NRXN3: variants seen among roughly 807,000 people sequenced by gnomAD.
The protein encoded by NRXN3 is neurexin III.
Under a neutral mutation model 137.6 loss-of-function variants are expected in NRXN3, and 32 were observed. The ratio of observed to expected loss-of-function variants is 0.23; its 90% CI spans 0.18 to 0.31. The LOEUF is 0.31. NRXN3 is among the 10% of genes least tolerant of loss of function. The pLI is 1.00. For synonymous variants in NRXN3, 798 were observed against 784.5 expected (o/e 1.02, Z -0.29); for missense variants, 1,574 against 2,062.5 (o/e 0.76, Z 4.59).
intron 15 of NRXN3, among the ~76,000 whole-genome samples, chr14:79,062,248 C>G (rs550730692): frequency 2.6e-4 from 40 of 152,158 alleles, no homozygotes; most frequent in Non-Finnish European, 5.4e-4. Flanking sequence ...CCAGGCTGAA[C>G]TCTCTTGCCA....
chr14:78,983,364 A>G (rs2099494355), intron 14 of NRXN3, among the ~76,000 whole-genome samples: 1 of 152,234 alleles, frequency 6.6e-6, no homozygotes, highest in Non-Finnish European at 1.5e-5. Flanking sequence ...TTGCAGCATT[A>G]ATCACAATAG....
intron 19 of NRXN3, among the ~76,000 whole-genome samples, chr14:79,728,880 TG>T (rs1270706372): frequency 6.6e-6 from 1 of 152,224 alleles, no homozygotes; most frequent in East Asian, 1.9e-4. Context: ...AGGTGATCTT[TG>T]TAACTCCAGA....
chr14:78,798,780 T>G (rs1258373242), intron 8 of NRXN3, among the ~76,000 whole-genome samples: 1 of 152,238 alleles, frequency 6.6e-6, no homozygotes, highest in East Asian at 1.9e-4. Context: ...TTGACTTCCG[T>G]GTACCCACAT....
Position 78,915,046 on chromosome 14 carries a change from G to C in NRXN3, c.2276-42196G>C, listed in dbSNP as rs916460569. Among the ~76,000 whole-genome samples, 3 of 152,106 alleles carry C rather than the reference G, an allele frequency of 2.0e-5. No homozygotes were observed. The East Asian group carries it at 5.8e-4, about 29-fold the overall frequency. ...TCAAAGATATTGAGATAGTACCTGA[G>C]TGGTAATTTAATTAATGGAAAAGGA... On this transcript the variant is annotated intron_variant, in intron 10 of 20. Coordinates refer to ENST00000335750, the MANE Select transcript of NRXN3 (RefSeq NM_001330195.2).
intron 4 of NRXN3, among the ~76,000 whole-genome samples, chr14:78,612,042 TG>T (rs1480870624): frequency 6.6e-6 from 1 of 152,154 alleles, no homozygotes; most frequent in Non-Finnish European, 1.5e-5. Context: ...GACTTGAAAG[TG>T]GGGGCATTTT....
At chr14:79,280,603 AG>A in intron 15 of NRXN3, 1 of 1,433,720 alleles carries the variant, frequency 7.0e-7, no homozygotes, top group African/African-American at 1.4e-5. Context: ...CTAGCCTTGC[AG>A]GTAGTGTCAA....
chr14:78,190,141 C>T (rs1265038792), intron 1 of NRXN3, among the ~76,000 whole-genome samples: 1 of 152,208 alleles, frequency 6.6e-6, no homozygotes, highest in Non-Finnish European at 1.5e-5. Context: ...CTTTCCTTCC[C>T]TCTTCCACAA....
intron 15 of NRXN3, among the ~76,000 whole-genome samples, chr14:79,098,746 G>A (rs2152834237): frequency 6.6e-6 from 1 of 152,296 alleles, no homozygotes; most frequent in East Asian, 1.9e-4. Flanking sequence ...GCTTTCATCA[G>A]CAAGGAACTG....
Position 78,223,491 on chromosome 14 carries a change from C to CT in NRXN3, c.-703-18895dup, listed in dbSNP as rs1183012403. Among the ~76,000 whole-genome samples the CT allele has an allele frequency of 2.6e-5, 4 of 152,272 alleles. No individual in the cohort carries two copies. The East Asian group carries it at 7.7e-4, about 29-fold the overall frequency. On this transcript the variant is annotated intron_variant, in intron 1 of 20. Transcript: ENST00000335750. Reference sequence around the variant, plus strand: ...TGTGCTTATATCAAATGTAATAGTGCTTTTTCCCCCTTATACTTAGGATGG... The same window carrying CT: ...TGTGCTTATATCAAATGTAATAGTGCTTTTTTCCCCCTTATACTTAGGATGG...
intron 4 of NRXN3, among the ~76,000 whole-genome samples, chr14:78,492,687 C>T (rs1199910284): frequency 2.0e-5 from 3 of 152,124 alleles, no homozygotes; most frequent in African/African-American, 4.8e-5. Flanking sequence ...CAGATATAAA[C>T]ACTTGTAGGG....
rs115208093 is a variant in NRXN3 at position 79,684,634 on chromosome 14, C to T, written c.3617-7539C>T. Among the ~76,000 whole-genome samples, 1,130 of 152,202 alleles carry T rather than the reference C, an allele frequency of 7.4e-3. 15 individuals are homozygous for T. Among genetic ancestry groups the T allele is most frequent in the African/African-American group, 0.025 (1,052 of 41,520 alleles). ...ATGACAATGTTCCTGTGTTGTGCAGCGGAATTGTCCTCCCAAACCTCCTCC... is the reference window on the plus strand; with the variant it reads ...ATGACAATGTTCCTGTGTTGTGCAGTGGAATTGTCCTCCCAAACCTCCTCC... On this transcript the variant is annotated intron_variant, in intron 17 of 20. Coordinates refer to ENST00000335750, the MANE Select transcript of NRXN3 (RefSeq NM_001330195.2).
At chr14:78,201,479 C>G (rs900829047) in intron 1 of NRXN3, among the ~76,000 whole-genome samples, 8 of 152,140 alleles carry the variant, frequency 5.3e-5, no homozygotes, top group African/African-American at 1.9e-4. Flanking sequence ...AGGCACCCAG[C>G]CTGCTCACGT....
chr14:79,507,444 T>C (rs1344693364), intron 16 of NRXN3, among the ~76,000 whole-genome samples: 3 of 152,198 alleles, frequency 2.0e-5, no homozygotes, highest in African/African-American at 7.2e-5. Flanking sequence ...AACAAATTAT[T>C]GAGCTGGGAA....
At chr14:79,434,941 G>T (rs1040732641) in intron 15 of NRXN3, among the ~76,000 whole-genome samples, 2 of 152,146 alleles carry the variant, frequency 1.3e-5, no homozygotes, top group Non-Finnish European at 2.9e-5. Flanking sequence ...GACTGAATCC[G>T]GTTCTGGAGA....
chr14:78,801,019 C>T (rs892798093), intron 8 of NRXN3, among the ~76,000 whole-genome samples: 16 of 152,156 alleles, frequency 1.1e-4, no homozygotes, highest in African/African-American at 3.9e-4. Flanking sequence ...TGTTTTCACA[C>T]CGCTCTAAAG....
chr14:78,538,102 T>C (rs1240973461), intron 4 of NRXN3, among the ~76,000 whole-genome samples: 1 of 152,246 alleles, frequency 6.6e-6, no homozygotes, highest in Non-Finnish European at 1.5e-5. Context: ...GGCTCTTTTT[T>C]GGTTCCATAT....
intron 4 of NRXN3, among the ~76,000 whole-genome samples, chr14:78,356,882 CACTT>C (rs1345884227): frequency 6.6e-6 from 1 of 152,068 alleles, no homozygotes. Context: ...AAGAGACACT[CACTT>C]GGATGAAAAA....
intron 15 of NRXN3, among the ~76,000 whole-genome samples, chr14:79,136,619 A>G (rs2058251747): frequency 6.6e-6 from 1 of 152,184 alleles, no homozygotes; most frequent in Non-Finnish European, 1.5e-5. Context: ...GACAATTGCT[A>G]AGTCCCGGCC....
At chr14:79,808,363 G>A (rs1035144410) in intron 20 of NRXN3, among the ~76,000 whole-genome samples, 12 of 151,162 alleles carry the variant, frequency 7.9e-5, no homozygotes, top group Non-Finnish European at 1.5e-4. Flanking sequence ...GGCAAGATTT[G>A]CACTGCCTAA....
Sources: allele counts gnomAD v4.1 joint callset (sites outside exome capture counted in the v4.1 genomes callset), GRCh38; gene constraint gnomAD v4.1.1; transcripts MANE v1.5; gene names NCBI Gene and HGNC (gene_info 2026-07-23, HGNC 2026-07-21).